SPTAN1: variants seen among roughly 807,000 people sequenced by gnomAD.
SPTAN1 encodes spectrin alpha chain, non-erythrocytic 1.
SPTAN1 carries 61 observed loss-of-function variants against 331.3 expected under a neutral mutation model. The observed-to-expected ratio is 0.18, with a 90% CI of 0.15 to 0.23. The LOEUF (loss-of-function observed/expected upper bound fraction) is 0.23, where lower values mean the gene tolerates loss of function less well. SPTAN1 is among the 10% of genes least tolerant of loss of function. The pLI is 1.00. For synonymous variants in SPTAN1, 1,153 were observed against 1,173.9 expected (o/e 0.98, Z 0.36); for missense variants, 2,043 against 3,147.9 (o/e 0.65, Z 8.40).
chr9:128,616,837 C>T (rs1857226779), intron 41 of SPTAN1, among the ~76,000 whole-genome samples: 1 of 151,960 alleles, frequency 6.6e-6, no homozygotes, highest in African/African-American at 2.4e-5. Flanking sequence ...GAGGCTGAGG[C>T]AGGAGAATGA....
intron 3 of SPTAN1, among the ~76,000 whole-genome samples, chr9:128,570,699 C>T (rs1015649020): frequency 9.9e-5 from 15 of 150,984 alleles, no homozygotes; most frequent in African/African-American, 3.7e-4. Context: ...TCTTGTTGCC[C>T]CGGCTGGAGT....
intron 49 of SPTAN1, 132 bp downstream of exon 49, chr9:128,626,819 A>G: frequency 9.2e-7 from 1 of 1,084,862 alleles, no homozygotes; most frequent in East Asian, 2.6e-5. Context: ...CAGAAGTTTC[A>G]TTTCTTTTTG....
chr9:128,565,310 CA>C (rs995348249), intron 1 of SPTAN1, among the ~76,000 whole-genome samples: 2 of 151,354 alleles, frequency 1.3e-5, no homozygotes, highest in African/African-American at 4.9e-5. Context: ...AAACAAAAAA[CA>C]AAAAAAAGCC....
chr9:128,583,654 T>C (rs1852217273), intron 15 of SPTAN1, 134 bp from the exon 16 acceptor site: 1 of 973,642 alleles, frequency 1.0e-6, no homozygotes, highest in Admixed American at 2.1e-5. Context: ...GATATTTTCT[T>C]TCTCTTTGTG....
intron 1 of SPTAN1, among the ~76,000 whole-genome samples, chr9:128,563,902 T>A (rs2132879744): frequency 6.6e-6 from 1 of 152,068 alleles, no homozygotes; most frequent in Middle Eastern, 3.4e-3. Flanking sequence ...CCTCCCAAAG[T>A]GCTGGGATTG....
chr9:128,622,377 G>A lies in SPTAN1; in HGVS notation c.5832+1121G>A, dbSNP rs1047927213. ...TGCAGGGGTGTGATCTGGGCTCACC[G>A]CAACCTCCACCTCCCAGGTTGAAAC... is the stretch of plus-strand genomic sequence containing the variant. On this transcript the variant is annotated intron_variant, in intron 45 of 56. Transcript: ENST00000372739. Among the ~76,000 whole-genome samples, 7 of 133,100 alleles carry A rather than the reference G, an allele frequency of 5.3e-5. No homozygotes were observed. The East Asian group carries it at 1.3e-3, about 26-fold the overall frequency. The allele number at this position is 133,100 out of a possible 152,430, so 87.3% of individuals were successfully genotyped here.
At position 128,612,076 on chromosome 9, in the gene SPTAN1, T is replaced by G. The variant is rs544375267; in HGVS notation, c.4906-33T>G. 17 of 1,614,064 alleles carry G rather than the reference T, an allele frequency of 1.1e-5. No individual in the cohort carries two copies. The South Asian group carries it at 1.8e-4, about 17-fold the overall frequency. ...AGGAGAGGGACGATTCTTCATAGAT[T>G]TCATCTCTTTTTGGCTCCCTTCTGT... On this transcript the variant is annotated intron_variant, in intron 38 of 56. Coordinates refer to ENST00000372739, the MANE Select transcript of SPTAN1 (RefSeq NM_001130438.3).
intron 52 of SPTAN1, among the ~76,000 whole-genome samples, chr9:128,631,083 G>C (rs1290790935): frequency 6.6e-6 from 1 of 152,168 alleles, no homozygotes. Context: ...GATCTCCAGT[G>C]ATCTGTCCAC....
intron 10 of SPTAN1, among the ~76,000 whole-genome samples, chr9:128,580,476 A>G (rs1015507912): frequency 6.6e-6 from 1 of 152,086 alleles, no homozygotes; most frequent in African/African-American, 2.4e-5. Flanking sequence ...GAGTAAAGAC[A>G]TTTCAAAGAC....
chr9:128,621,090 G>A, intron 44 of SPTAN1, 68 bp from the exon 45 acceptor site: 1 of 1,417,792 alleles, frequency 7.1e-7, no homozygotes, highest in African/African-American at 1.4e-5. Flanking sequence ...GTCACTCTCT[G>A]TCCCCGGGGC....
intron 1 of SPTAN1, 88 bp from the exon 2 acceptor site, chr9:128,566,649 TA>T: frequency 6.3e-7 from 1 of 1,582,388 alleles, no homozygotes; most frequent in Non-Finnish European, 8.7e-7. Context: ...GTTTATCTGA[TA>T]ATTATTTCTT....
intron 20 of SPTAN1, 115 bp from the exon 21 acceptor site, chr9:128,588,694 A>G: frequency 1.4e-6 from 2 of 1,418,974 alleles, no homozygotes; most frequent in Admixed American, 1.7e-5. Context: ...AAGAATTCTC[A>G]TGAGTGTATA....
rs555145124 is a variant in SPTAN1, at chr9:128,580,862, C to T, written c.1324-60C>T. On this transcript the variant is annotated intron_variant, in intron 10 of 56. Transcript: ENST00000372739. ...AGGAATTCCAGGATAGCTGTTCTGT[C>T]TGCCTCGGAGGCATTGGGGCTGACC... 1.3e-4 allele frequency: 202 copies of T among 1,609,194 alleles called. No individual in the cohort carries two copies. In the African/African-American group the frequency reaches 2.5e-3, roughly 20 times the overall value.
intron 37 of SPTAN1, among the ~76,000 whole-genome samples, chr9:128,610,440 G>A (rs139867209): frequency 1.1e-4 from 16 of 152,244 alleles, no homozygotes; most frequent in Admixed American, 5.2e-4. Flanking sequence ...GTGGGAGAAC[G>A]TAACAAGGAC....
At chr9:128,619,150 C>T in intron 44 of SPTAN1, 147 bp downstream of exon 44, 1 of 1,172,514 alleles carries the variant, frequency 8.5e-7, no homozygotes, top group South Asian at 1.3e-5. Flanking sequence ...TTGGTTTTAG[C>T]CCTCAAGATC....
At chr9:128,622,504 G>T (rs1265458879) in intron 45 of SPTAN1, among the ~76,000 whole-genome samples, 4 of 151,714 alleles carry the variant, frequency 2.6e-5, no homozygotes, top group Non-Finnish European at 4.4e-5. Context: ...TCTCCATGTT[G>T]GTCAGGCTGG....
intron 3 of SPTAN1, among the ~76,000 whole-genome samples, chr9:128,570,330 A>ATATATATATATT (rs1850540639): frequency 1.4e-5 from 1 of 71,894 alleles, no homozygotes. Flanking sequence ...ATATATATAT[A>ATATATATATATT]TTTTTTTTTT....
At chr9:128,626,775 A>G (rs1858816819) in intron 49 of SPTAN1, 88 bp downstream of exon 49, 1 of 1,234,566 alleles carries the variant, frequency 8.1e-7, no homozygotes. Flanking sequence ...CTGAGTCACG[A>G]CAAGACGAGC....
chr9:128,594,429 A>ATTTTTTT (rs10679469), intron 24 of SPTAN1, 56 bp downstream of exon 24: 141 of 759,562 alleles, frequency 1.9e-4, no homozygotes, highest in Non-Finnish European at 2.3e-4. Context: ...GAGTCTCTTG[A>ATTTTTTT]TTTTTTTTTT....
Sources: allele counts gnomAD v4.1 joint callset (sites outside exome capture counted in the v4.1 genomes callset), GRCh38; gene constraint gnomAD v4.1.1; transcripts MANE v1.5; gene names NCBI Gene and HGNC (gene_info 2026-07-23, HGNC 2026-07-21).